The following TLN2 variants were observed in gnomAD, a reference collection of about 807,000 sequenced individuals.
TLN2 encodes talin 2.
A neutral mutation model predicts 294.7 loss-of-function variants in TLN2; 118 were observed. The observed-to-expected ratio is 0.40, with a 90% CI of 0.34 to 0.47. TLN2 has a LOEUF of 0.47. Among genes scored for constraint, TLN2 ranks in the 20% least tolerant of loss-of-function variants. The pLI is 0.84. For synonymous variants in TLN2, 1,431 were observed against 1,304.5 expected (o/e 1.10, Z -2.09); for missense variants, 3,083 against 3,282.2 (o/e 0.94, Z 1.48).
In TLN2 at chr15:62,835,965, G is replaced by T. The variant is rs776254962; in HGVS notation, c.7266G>T (p.Glu2422Asp). 6.8e-6 allele frequency: 11 copies of T among 1,614,178 alleles called. No homozygotes were observed. In the South Asian group the frequency reaches 1.2e-4, roughly 18 times the overall value. ...ANASVQGHAS[E>D]EKLISSAKQV... is the part of the protein sequence containing the mutation. ...CCTCCGTTCAGGGACACGCCAGCGA[G>T]GAGAAGCTCATCTCATCTGCCAAGC... Residue 2422 changes from glutamate to aspartate, a missense_variant, in exon 57 of 59, where the codon GAG becomes GAT. By Grantham distance (45) the Glu-to-Asp change is conservative. Coordinates refer to ENST00000636159, the MANE Select transcript of TLN2 (RefSeq NM_015059.3).
chr15:62,673,893 A>T lies in TLN2; in HGVS notation c.852+3A>T. The stretch of plus-strand genomic sequence containing the variant: ...GAGCTGAAAAGAGGATCTTTCAGGT[A>T]TTGGAAATGTACAGAACTTTATTAT... On this transcript the variant is annotated splice_donor_region_variant and intron_variant, in intron 10 of 58. Coordinates refer to ENST00000636159, the MANE Select transcript of TLN2 (RefSeq NM_015059.3). The T allele has an allele frequency of 6.2e-7, 1 of 1,612,158 alleles. No individual in the cohort carries two copies. Among genetic ancestry groups the T allele is most frequent in the East Asian group, 2.2e-5 (1 of 44,836 alleles).
At position 62,524,626 on chromosome 15, in the gene TLN2, C is replaced by T. The variant is rs551646589; in HGVS notation, c.-237-65061C>T. On this transcript the variant is annotated intron_variant, in intron 1 of 58. Coordinates refer to ENST00000636159, the MANE Select transcript of TLN2 (RefSeq NM_015059.3). ...TGAAACCACCATGAACTTTAAACAG[C>T]CCTGTTTTGGCATATAGTAAATGTC... Among the ~76,000 whole-genome samples, 7 of 152,116 alleles carry T rather than the reference C, an allele frequency of 4.6e-5. No individual in the cohort carries two copies. In the East Asian group the frequency reaches 1.4e-3, roughly 29 times the overall value.
intron 26 of TLN2, among the ~76,000 whole-genome samples, chr15:62,724,600 C>T (rs1240107089): frequency 3.9e-5 from 6 of 152,134 alleles, no homozygotes; most frequent in Non-Finnish European, 5.9e-5. Flanking sequence ...TTCATTTGTT[C>T]ATTCACTGCA....
intron 1 of TLN2, among the ~76,000 whole-genome samples, chr15:62,489,647 T>A (rs2038599525): frequency 6.6e-6 from 1 of 152,164 alleles, no homozygotes; most frequent in South Asian, 2.1e-4. Context: ...CCCTTAGATG[T>A]GGGTTGGACT....
At chr15:62,826,003 G>GTGAC in intron 54 of TLN2, among the ~76,000 whole-genome samples, 1 of 147,654 alleles carries the variant, frequency 6.8e-6, no homozygotes, top group East Asian at 2.0e-4. Flanking sequence ...TCCAGCCTGG[G>GTGAC]TGACAGAGTG....
intron 3 of TLN2, among the ~76,000 whole-genome samples, chr15:62,642,204 C>G (rs1373850681): frequency 6.6e-6 from 1 of 152,076 alleles, no homozygotes; most frequent in African/African-American, 2.4e-5. Context: ...GAATTTATAC[C>G]CAGTCTTTGA....
intron 1 of TLN2, among the ~76,000 whole-genome samples, chr15:62,524,386 G>T (rs1015308662): frequency 2.6e-5 from 4 of 152,148 alleles, no homozygotes; most frequent in African/African-American, 7.2e-5. Context: ...GCAGGTGTGT[G>T]CTTGTGTGTG....
intron 1 of TLN2, among the ~76,000 whole-genome samples, chr15:62,459,400 T>C (rs1483250242): frequency 2.6e-5 from 4 of 151,846 alleles, no homozygotes; most frequent in African/African-American, 7.3e-5. Flanking sequence ...AAGAATGCAC[T>C]TTATTTTAAA....
chr15:62,655,020 T>C (rs2053048733), intron 7 of TLN2, among the ~76,000 whole-genome samples: 1 of 152,080 alleles, frequency 6.6e-6, no homozygotes, highest in Non-Finnish European at 1.5e-5. Context: ...ATTGCCATTG[T>C]GTTTATTGAT....
At chr15:62,673,984 C>A (rs955120664) in intron 10 of TLN2, 94 bp downstream of exon 10, 3 of 869,314 alleles carry the variant, frequency 3.5e-6, no homozygotes, top group African/African-American at 3.4e-5. Flanking sequence ...TTTTATACCT[C>A]GTGCCTGTAC....
chr15:62,560,245 T>C lies in TLN2; in HGVS notation c.-237-29442T>C, dbSNP rs191020949. Among the ~76,000 whole-genome samples the C allele has an allele frequency of 5.6e-4, 86 of 152,290 alleles. 1 individual carries two copies. The highest frequency in any genetic ancestry group is 6.8e-3 in the Middle Eastern group (2 of 294). The stretch of plus-strand genomic sequence containing the variant: ...TCCAATTCTAATACTCCGTGTTTTT[T>C]TGTTTGTTTTTTTGAGACAGAGTCA... On this transcript the variant is annotated intron_variant, in intron 1 of 58. Coordinates refer to ENST00000636159, the MANE Select transcript of TLN2 (RefSeq NM_015059.3).
In TLN2 at chr15:62,805,522, C is replaced by T. The variant is rs996611014; in HGVS notation, c.6478-78C>T. On this transcript the variant is annotated intron_variant, in intron 50 of 58. Coordinates refer to ENST00000636159, the MANE Select transcript of TLN2 (RefSeq NM_015059.3). The stretch of plus-strand genomic sequence containing the variant: ...TGGCTCAGTTTTCAGACACAAGCTA[C>T]AGCCTGGTTGGAGAAGAATAAATTA... 56 of 1,422,556 alleles carry T rather than the reference C, an allele frequency of 3.9e-5. 1 individual carries two copies. The highest frequency in any genetic ancestry group is 5.1e-5 in the Non-Finnish European group (55 of 1,072,778). 88.1% of individuals were successfully genotyped at this position (1,422,556 alleles called of 1,614,324 possible).
At chr15:62,458,205 A>T (rs1454572788) in intron 1 of TLN2, among the ~76,000 whole-genome samples, 1 of 152,102 alleles carries the variant, frequency 6.6e-6, no homozygotes, top group East Asian at 1.9e-4. Context: ...AGCGATGACC[A>T]GTGGGGACAA....
intron 1 of TLN2, among the ~76,000 whole-genome samples, chr15:62,548,029 A>G (rs1202615053): frequency 1.3e-5 from 2 of 152,212 alleles, no homozygotes; most frequent in Non-Finnish European, 2.9e-5. Context: ...GGGGTTGCAA[A>G]CATATGGAGC....
At position 62,608,772 on chromosome 15, in the gene TLN2, G is replaced by T. The variant is rs371815991; in HGVS notation, c.-161-9579G>T. ...GATAAGGGGTGCAAGGGAGAGATCT[G>T]GCTTCTGTGCAGAACTGGTGAATGC... On this transcript the variant is annotated intron_variant, in intron 2 of 58. Transcript: ENST00000636159. Among the ~76,000 whole-genome samples the T allele has an allele frequency of 8.5e-5, 13 of 152,210 alleles. 1 individual carries two copies. The highest frequency in any genetic ancestry group is 3.1e-4 in the African/African-American group (13 of 41,520).
chr15:62,779,265 G>T (rs533684151), intron 43 of TLN2, among the ~76,000 whole-genome samples: 2 of 152,324 alleles, frequency 1.3e-5, no homozygotes, highest in East Asian at 3.9e-4. Context: ...AAGCTCTCGG[G>T]ACGTTGATTT....
At chr15:62,813,595 A>T (rs1250545388) in intron 52 of TLN2, among the ~76,000 whole-genome samples, 1 of 152,204 alleles carries the variant, frequency 6.6e-6, no homozygotes, top group African/African-American at 2.4e-5. Context: ...GCAAGATTAA[A>T]AGTTACCTCC....
chr15:62,819,396 G>A (rs776979812), intron 52 of TLN2, 120 bp from the exon 53 acceptor site: 7 of 771,452 alleles, frequency 9.1e-6, no homozygotes, highest in Non-Finnish European at 1.6e-5. Flanking sequence ...AGTCACTTGG[G>A]ACAGAGATGC....
chr15:62,668,236 A>G (rs983895700), intron 9 of TLN2, among the ~76,000 whole-genome samples: 50 of 152,360 alleles, frequency 3.3e-4, no homozygotes, highest in African/African-American at 1.1e-3. Flanking sequence ...AGTAAATTTT[A>G]CCACACACAT....
Sources: gnomAD v4.1 joint callset for allele counts (sites outside exome capture counted in the v4.1 genomes callset) on GRCh38, gnomAD v4.1.1 for gene constraint, MANE v1.5 for transcripts, NCBI Gene and HGNC (gene_info 2026-07-23, HGNC 2026-07-21) for gene names.